GATAD2B: variants seen among roughly 807,000 people sequenced by gnomAD.
The protein encoded by GATAD2B is GATA zinc finger domain containing 2B.
Under a neutral mutation model 64.3 loss-of-function variants are expected in GATAD2B, and 8 were observed. The observed-to-expected ratio is 0.12, with a 90% CI of 0.07 to 0.22. GATAD2B has a LOEUF of 0.22. GATAD2B is among the 10% of genes least tolerant of loss of function. The probability of loss-of-function intolerance (pLI) is 1.00; values close to 1 mark genes in which losing one functional copy is unlikely to be tolerated. For missense variants in GATAD2B, 453 were observed against 752.0 expected (o/e 0.60, Z 4.65); for synonymous variants, 281 against 271.3 (o/e 1.04, Z -0.35).
intron 2 of GATAD2B, among the ~76,000 whole-genome samples, chr1:153,824,376 T>A (rs1049985716): frequency 6.6e-6 from 1 of 152,040 alleles, no homozygotes; most frequent in Non-Finnish European, 1.5e-5. Flanking sequence ...ACGCCCATAA[T>A]CCCGGCACTT....
At chr1:153,812,177 A>G (rs367907299) in intron 8 of GATAD2B, 45 bp from the exon 9 acceptor site, 40 of 990,506 alleles carry the variant, frequency 4.0e-5, no homozygotes, top group Non-Finnish European at 5.2e-5. Flanking sequence ...GACAGCACCC[A>G]ATACCCAATT....
chr1:153,815,081 C>CAAAAAAAAAA (rs58874063), intron 7 of GATAD2B, among the ~76,000 whole-genome samples: 37 of 25,378 alleles, frequency 1.5e-3, no homozygotes, highest in South Asian at 3.8e-3. Context: ...GACTCTGTCT[C>CAAAAAAAAAA]AAAAAAAAAA....
chr1:153,830,458 T>TATTTC (rs1675036878), intron 1 of GATAD2B, among the ~76,000 whole-genome samples: 1 of 139,348 alleles, frequency 7.2e-6, no homozygotes, highest in South Asian at 2.3e-4. Context: ...TTTTTATTTT[T>TATTTC]ATTTTATTTT....
At chr1:153,837,663 T>C (rs970188128) in intron 1 of GATAD2B, among the ~76,000 whole-genome samples, 3 of 152,096 alleles carry the variant, frequency 2.0e-5, no homozygotes, top group African/African-American at 7.2e-5. Flanking sequence ...CTTTTTAGGG[T>C]GATCGGAAAT....
At chr1:153,868,823 C>G (rs368368060) in intron 1 of GATAD2B, among the ~76,000 whole-genome samples, 8 of 151,740 alleles carry the variant, frequency 5.3e-5, no homozygotes, top group Admixed American at 1.3e-4. Flanking sequence ...GCAGCCTCCC[C>G]TCCTGGGTTC....
At position 153,825,896 on chromosome 1, in the gene GATAD2B, T is replaced by C. The variant is rs1468137796; in HGVS notation, c.335+2117A>G. Among the ~76,000 whole-genome samples, 3 of 152,216 alleles carry C rather than the reference T, an allele frequency of 2.0e-5. No homozygotes were observed. In the East Asian group the frequency reaches 5.8e-4, roughly 29 times the overall value. ...CACCAGTCCAGCTTCTTAGAGATTC[T>C]GCTTTGGATGAGTCCTACAACAAAC... On this transcript the variant is annotated intron_variant, in intron 2 of 10. Coordinates refer to ENST00000368655, the MANE Select transcript of GATAD2B (RefSeq NM_020699.4).
chr1:153,853,139 CT>C, intron 1 of GATAD2B: 1 of 1,433,620 alleles, frequency 7.0e-7, no homozygotes, highest in Non-Finnish European at 9.8e-7. Context: ...GCAGTCTCTC[CT>C]CAATCCTGTC....
chr1:153,833,975 TCTC>T (rs1303563815), intron 1 of GATAD2B, among the ~76,000 whole-genome samples: 3 of 146,620 alleles, frequency 2.0e-5, no homozygotes, highest in Non-Finnish European at 4.5e-5. Flanking sequence ...CCTGTCTCTC[TCTC>T]TTTTTTTTTA....
intron 1 of GATAD2B, among the ~76,000 whole-genome samples, chr1:153,839,569 A>G (rs1675401416): frequency 6.6e-6 from 1 of 152,208 alleles, no homozygotes; most frequent in Admixed American, 6.6e-5. Flanking sequence ...AAGTAGTAAT[A>G]GTCTAAAAGA....
chr1:153,853,317 G>A, intron 1 of GATAD2B: 1 of 792,814 alleles, frequency 1.3e-6, no homozygotes. Context: ...TACTGACATG[G>A]GCTGAGGACA....
intron 1 of GATAD2B, among the ~76,000 whole-genome samples, chr1:153,886,946 C>T (rs755846586): frequency 3.9e-5 from 6 of 151,978 alleles, no homozygotes; most frequent in Non-Finnish European, 5.9e-5. Context: ...CACTGGTGTC[C>T]AATAATACAA....
intron 1 of GATAD2B, among the ~76,000 whole-genome samples, chr1:153,885,914 G>A (rs1289370596): frequency 1.4e-5 from 2 of 147,028 alleles, no homozygotes; most frequent in African/African-American, 5.1e-5. Context: ...GTACAACCTA[G>A]ATACAAAAAG....
chr1:153,884,647 G>C (rs1446858830), intron 1 of GATAD2B, among the ~76,000 whole-genome samples: 4 of 152,294 alleles, frequency 2.6e-5, no homozygotes, highest in Admixed American at 2.0e-4. Flanking sequence ...TATTACTCAA[G>C]TTGTGATACC....
chr1:153,910,900 CTT>C (rs916244812), intron 1 of GATAD2B, among the ~76,000 whole-genome samples: 1 of 152,154 alleles, frequency 6.6e-6, no homozygotes, highest in African/African-American at 2.4e-5. Context: ...GCATTTCTGA[CTT>C]AGGCTATTTT....
At chr1:153,878,774 CTTTTTTTTTT>C (rs71093297) in intron 1 of GATAD2B, among the ~76,000 whole-genome samples, 2 of 108,128 alleles carry the variant, frequency 1.8e-5, no homozygotes, top group African/African-American at 7.1e-5. Flanking sequence ...TACTTTATTC[CTTTTTTTTTT>C]TTTTTTTTTT....
At chr1:153,891,602 G>GT (rs1423816263) in intron 1 of GATAD2B, among the ~76,000 whole-genome samples, 11 of 73,662 alleles carry the variant, frequency 1.5e-4, no homozygotes, top group African/African-American at 4.4e-4. Flanking sequence ...AAAAAAAGAG[G>GT]TGGGGGGGAG....
chr1:153,907,793 C>A (rs1432527248), intron 1 of GATAD2B, among the ~76,000 whole-genome samples: 3 of 151,824 alleles, frequency 2.0e-5, no homozygotes, highest in Admixed American at 2.0e-4. Flanking sequence ...TGCCTGCCAC[C>A]ACACCCAGCT....
intron 5 of GATAD2B, 149 bp from the exon 6 acceptor site, chr1:153,817,691 T>C: frequency 1.7e-6 from 1 of 591,506 alleles, no homozygotes; most frequent in Non-Finnish European, 2.8e-6. Context: ...CATTTAATGG[T>C]CTATGGGATA....
At position 153,906,216 on chromosome 1, in the gene GATAD2B, G is replaced by A. The variant is rs146139984; in HGVS notation, c.-2+16517C>T. Among the ~76,000 whole-genome samples the A allele has an allele frequency of 3.9e-3, 595 of 152,000 alleles. 34 individuals carry two copies. The East Asian group carries it at 0.1, about 27-fold the overall frequency. ...TCACTTGATTTGAGGTCAGGAGTTC[G>A]AGACCAGCCTGGCCAATATGGTGAA... On this transcript the variant is annotated intron_variant, in intron 1 of 10. Coordinates refer to ENST00000368655, the MANE Select transcript of GATAD2B (RefSeq NM_020699.4).
Sources: allele counts gnomAD v4.1 joint callset (sites outside exome capture counted in the v4.1 genomes callset), GRCh38; gene constraint gnomAD v4.1.1; transcripts MANE v1.5; gene names NCBI Gene and HGNC (gene_info 2026-07-23, HGNC 2026-07-21).